The following KNG1 variants were observed in gnomAD, a reference collection of about 807,000 sequenced individuals.
KNG1 encodes the protein kininogen 1.
In KNG1, 23 loss-of-function variants were observed where a neutral mutation model predicts 47.8. That is an observed-to-expected ratio of 0.48 (90% confidence interval 0.35 to 0.68). The LOEUF (loss-of-function observed/expected upper bound fraction) is 0.68, where lower values mean the gene tolerates loss of function less well. Among genes scored for constraint, KNG1 ranks in the 30% least tolerant of loss-of-function variants. KNG1 has a pLI of 0.01. For missense variants in KNG1, 762 were observed against 790.2 expected, an observed-to-expected ratio of 0.96 and a Z score of 0.43; for synonymous variants, 277 against 277.0, an observed-to-expected ratio of 1.00 and a Z score of 0.00.
At position 186,742,728 on chromosome 3, in the gene KNG1, A is replaced by T; in HGVS notation, c.*397A>T. ...TGGTATTTGAATGTGTGTGAAAATA[A>T]GGGAAGTCAAGAGATTAAATGCTGA... On this transcript the variant is annotated 3_prime_UTR_variant, in exon 10 of 10. Coordinates refer to ENST00000644859, the MANE Select transcript of KNG1 (RefSeq NM_001102416.3). 1 of 1,039,306 alleles carries T rather than the reference A, an allele frequency of 9.6e-7. No homozygotes were observed. Among genetic ancestry groups the T allele is most frequent in the Non-Finnish European group, 1.2e-6 (1 of 863,544 alleles). 64.4% of individuals were successfully genotyped at this position (1,039,306 alleles called of 1,614,324 possible).
At chr3:186,738,544 CATAA>C (rs1720722634) in intron 7 of KNG1, 1 of 152,718 alleles carries the variant, frequency 6.5e-6, no homozygotes. Context: ...CAAATAAATA[CATAA>C]ATAAATAAAA....
At chr3:186,722,387 C>T (rs1405910047) in intron 2 of KNG1, 50 bp from the exon 3 acceptor site, 2 of 1,446,844 alleles carry the variant, frequency 1.4e-6, no homozygotes, top group Non-Finnish European at 1.9e-6. Context: ...ATTAGGTAGA[C>T]TTTCCCATCT....
rs759225480 is a variant in KNG1 at position 186,741,539 on chromosome 3, G to T, written c.1143G>T (p.Arg381Ser). 1 of 1,609,704 alleles carries T rather than the reference G, an allele frequency of 6.2e-7. No homozygotes were observed. The highest frequency in any genetic ancestry group is 2.2e-5 in the East Asian group (1 of 44,856). ...QPLGMISLMK[R>S]PPGFSPFRSS... ...CTGTTTAGATCTCACTGATGAAAAG[G>T]CCTCCAGGTTTTTCACCTTTCCGAT... The change falls in exon 10 of 10, where the codon AGG becomes AGT. Residue 381 changes from arginine to serine, a missense_variant. Arg to Ser is a moderately radical substitution (Grantham distance 110). Transcript: ENST00000644859.
chr3:186,721,988 G>T (rs981386454), intron 2 of KNG1: 1 of 174,162 alleles, frequency 5.7e-6, no homozygotes. Context: ...GGTGGCACGT[G>T]CATGTAATCC....
In KNG1 at chr3:186,742,686, T is replaced by C. The variant is rs556355226; in HGVS notation, c.*355T>C. On this transcript the variant is annotated 3_prime_UTR_variant, in exon 10 of 10. Transcript: ENST00000644859. ...TGCATACAAAGATTCTTGTCATTCT[T>C]AATAAACTGTGGCACTTGGTATTTG... 2 of 1,060,250 alleles carry C rather than the reference T, an allele frequency of 1.9e-6. No individual in the cohort carries two copies. Among genetic ancestry groups the C allele is most frequent in the Non-Finnish European group, 2.3e-6 (2 of 877,078 alleles). The allele number at this position is 1,060,250 out of a possible 1,614,324, so 65.7% of individuals were successfully genotyped here.
intron 1 of KNG1, 169 bp downstream of exon 1, chr3:186,717,906 A>AC (rs1720042212): frequency 6.5e-6 from 3 of 464,338 alleles, no homozygotes; most frequent in South Asian, 4.0e-5. Context: ...ACCCACCACC[A>AC]CCACCACCAT....
chr3:186,740,942 GT>G (rs202082433), intron 9 of KNG1, among the ~76,000 whole-genome samples: 3 of 151,232 alleles, frequency 2.0e-5, no homozygotes, highest in African/African-American at 7.3e-5. Flanking sequence ...TTATTTTACA[GT>G]TTTTTTTGTT....
At chr3:186,721,292 C>G (rs1720190345) in intron 2 of KNG1, 1 of 152,264 alleles carries the variant, frequency 6.6e-6, no homozygotes, top group Non-Finnish European at 1.5e-5. Flanking sequence ...GTCATCTCAT[C>G]TGTAAGGTGG....
chr3:186,733,837 A>G (rs532452032), intron 7 of KNG1, among the ~76,000 whole-genome samples: 70 of 152,224 alleles, frequency 4.6e-4, no homozygotes, highest in Non-Finnish European at 8.1e-4. Context: ...GTATGGTGGT[A>G]CATGCCTGTA....
rs979680849 is a variant in KNG1 at position 186,738,939 on chromosome 3, A to G, written c.931-160A>G. 4.6e-6 allele frequency: 3 copies of G among 647,620 alleles called. No homozygotes were observed. The African/African-American group carries it at 5.5e-5, about 12-fold the overall frequency. 40.1% of individuals were successfully genotyped at this position (647,620 alleles called of 1,614,324 possible). On this transcript the variant is annotated intron_variant, in intron 7 of 9. Coordinates refer to ENST00000644859, the MANE Select transcript of KNG1 (RefSeq NM_001102416.3). The stretch of plus-strand genomic sequence containing the variant: ...CAACCGATAGCCAAATATTTTAAAT[A>G]TGCATGCCAAGCTTTAATGCCAAAC...
chr3:186,722,651 GAGC>G (rs907010253), intron 3 of KNG1, 130 bp downstream of exon 3: 1 of 767,642 alleles, frequency 1.3e-6, no homozygotes, highest in Non-Finnish European at 2.3e-6. Context: ...CAGAGTTAGG[GAGC>G]ATTGGGTGGA....
rs752175838 is a variant in KNG1, at chr3:186,742,148, T to A, written c.1752T>A (p.Asp584Glu). The A allele has an allele frequency of 6.2e-7, 1 of 1,614,208 alleles. No individual in the cohort carries two copies. Among genetic ancestry groups the A allele is most frequent in the Non-Finnish European group, 8.5e-7 (1 of 1,180,032 alleles). Reference sequence around the variant, plus strand: ...TATCACCAGCTCCCATACAGAGTGATGACGATTGGATCCCTGATATCCAGA... The same window carrying A: ...TATCACCAGCTCCCATACAGAGTGAAGACGATTGGATCCCTGATATCCAGA... ...PPISPAPIQSDDDWIPDIQID... is the reference protein window; with the variant it reads ...PPISPAPIQSEDDWIPDIQID... The change falls in exon 10 of 10, where the codon GAT becomes GAA. Residue 584 changes from aspartate (D) to glutamate (E), a missense_variant. Asp to Glu is a conservative substitution (Grantham distance 45, BLOSUM62 2). Transcript: ENST00000644859.
chr3:186,733,521 T>C (rs1229491276), intron 7 of KNG1, among the ~76,000 whole-genome samples: 2 of 152,262 alleles, frequency 1.3e-5, no homozygotes, highest in East Asian at 3.9e-4. Context: ...TTTCATGCCC[T>C]ATCAATAGAA....
At chr3:186,731,655 G>A (rs369129896) in intron 6 of KNG1, 26 bp downstream of exon 6, 60 of 1,402,572 alleles carry the variant, frequency 4.3e-5, no homozygotes, top group African/African-American at 5.6e-5. Context: ...TGTTGGCACC[G>A]CAATAGAGGA....
At chr3:186,741,008 T>G (rs1720796565) in intron 9 of KNG1, among the ~76,000 whole-genome samples, 1 of 152,062 alleles carries the variant, frequency 6.6e-6, no homozygotes, top group African/African-American at 2.4e-5. Context: ...GTTTGTTTTT[T>G]GTTTTTTTTG....
At chr3:186,735,060 A>G (rs1217739987) in intron 7 of KNG1, among the ~76,000 whole-genome samples, 3 of 152,240 alleles carry the variant, frequency 2.0e-5, no homozygotes, top group African/African-American at 7.2e-5. Context: ...TTTCATTGCC[A>G]TATGACCACG....
chr3:186,719,792 TGACA>T (rs1232654287), intron 1 of KNG1, among the ~76,000 whole-genome samples: 1 of 152,048 alleles, frequency 6.6e-6, no homozygotes, highest in Non-Finnish European at 1.5e-5. Flanking sequence ...ATCTCACCAC[TGACA>T]GACAAACATT....
In KNG1 at chr3:186,741,686, C is replaced by T. The variant is rs5030084; in HGVS notation, c.1290C>T (p.Asp430=). 1 of 1,614,158 alleles carries T rather than the reference C, an allele frequency of 6.2e-7. No homozygotes were observed. Among genetic ancestry groups the T allele is most frequent in the Non-Finnish European group, 8.5e-7 (1 of 1,180,012 alleles). The part of the protein sequence containing the change: ...GKEQGHTRRH[D]WGHEKQRKHN... Reference sequence around the variant, plus strand: ...AACAAGGGCATACTCGTAGACATGACTGGGGCCATGAAAAACAAAGAAAAC... The same window carrying T: ...AACAAGGGCATACTCGTAGACATGATTGGGGCCATGAAAAACAAAGAAAAC... Residue 430 remains aspartate (D), a synonymous_variant, in exon 10 of 10, where the codon GAC becomes GAT. Coordinates refer to ENST00000644859, the MANE Select transcript of KNG1 (RefSeq NM_001102416.3).
intron 7 of KNG1, among the ~76,000 whole-genome samples, chr3:186,735,681 G>A (rs1439094260): frequency 2.6e-5 from 4 of 152,056 alleles, no homozygotes; most frequent in African/African-American, 9.7e-5. Context: ...TGTGCTTGTA[G>A]TCCCAACTAC....
Sources: gnomAD v4.1 joint callset for allele counts (sites outside exome capture counted in the v4.1 genomes callset) on GRCh38, gnomAD v4.1.1 for gene constraint, MANE v1.5 for transcripts, NCBI Gene and HGNC (gene_info 2026-07-23, HGNC 2026-07-21) for gene names.